FSHR: variants seen among roughly 807,000 people sequenced by gnomAD.
FSHR encodes follicle stimulating hormone receptor, also known as follicle-stimulating hormone receptor.
FSHR carries 46 observed loss-of-function variants against 52.1 expected under a neutral mutation model. That is an observed-to-expected ratio of 0.88 (90% CI 0.70 to 1.13). The LOEUF (loss-of-function observed/expected upper bound fraction) is 1.13, where lower values mean the gene tolerates loss of function less well. Ranked by LOEUF, FSHR falls within the 50% of genes most tolerant of loss-of-function variation. FSHR has a pLI of 0.00. For missense variants in FSHR, 964 were observed against 834.6 expected (o/e 1.16, Z -1.91); for synonymous variants, 399 against 309.6 (o/e 1.29, Z -3.03).
intron 1 of FSHR, among the ~76,000 whole-genome samples, chr2:49,123,222 C>A (rs952367915): frequency 6.6e-6 from 1 of 152,156 alleles, no homozygotes; most frequent in South Asian, 2.1e-4. Flanking sequence ...TGTTTTCAGC[C>A]AGGCGCGGTG....
At chr2:49,063,808 T>C (rs1289054923) in intron 2 of FSHR, among the ~76,000 whole-genome samples, 4 of 152,134 alleles carry the variant, frequency 2.6e-5, no homozygotes, top group Admixed American at 6.6e-5. Flanking sequence ...TTTTCAAATA[T>C]GTAGAAGAGC....
chr2:49,098,825 T>C (rs992606286), intron 1 of FSHR, among the ~76,000 whole-genome samples: 1 of 146,488 alleles, frequency 6.8e-6, no homozygotes, highest in African/African-American at 2.5e-5. Flanking sequence ...TATATATTAT[T>C]ATATATTATA....
In FSHR at chr2:48,963,047, CAAAG is replaced by C; in HGVS notation, c.1770_1773del (p.Phe590LeufsTer51). 1 of 1,613,934 alleles carries C rather than the reference CAAAG, an allele frequency of 6.2e-7. No homozygotes were observed. The highest frequency in any genetic ancestry group is 8.5e-7 in the Non-Finnish European group (1 of 1,179,956). On this transcript the variant is annotated frameshift_variant, in exon 10 of 10. Transcript: ENST00000406846. LOFTEE classifies it high-confidence loss of function. ...GGCACCTTGAGGGAGGCAGAAATGG[CAAAG>C]AAAGAAATGGGTGCCATGCAGAGGA...
intron 4 of FSHR, chr2:49,015,063 A>C: frequency 3.3e-6 from 1 of 303,160 alleles, no homozygotes; most frequent in Admixed American, 5.0e-5. Flanking sequence ...ATATAAAAAC[A>C]ATTTGCAAAG....
At chr2:49,152,556 CT>C (rs1673101772) in intron 1 of FSHR, among the ~76,000 whole-genome samples, 2 of 151,514 alleles carry the variant, frequency 1.3e-5, no homozygotes, top group Admixed American at 1.3e-4. Flanking sequence ...CCTATGTTTT[CT>C]CTGCAGAATG....
intron 4 of FSHR, among the ~76,000 whole-genome samples, chr2:49,000,763 C>A (rs77770165): frequency 1.3e-5 from 2 of 152,026 alleles, no homozygotes; most frequent in East Asian, 3.9e-4. Context: ...TTAGAAAGAC[C>A]ATGTGGAAAG....
At chr2:49,002,765 C>T (rs1666948936) in intron 4 of FSHR, among the ~76,000 whole-genome samples, 1 of 152,078 alleles carries the variant, frequency 6.6e-6, no homozygotes, top group African/African-American at 2.4e-5. Context: ...CAGACCATAT[C>T]ACCCCGGGAG....
intron 1 of FSHR, among the ~76,000 whole-genome samples, chr2:49,131,858 T>C (rs1369048504): frequency 6.6e-6 from 1 of 152,192 alleles, no homozygotes; most frequent in Non-Finnish European, 1.5e-5. Flanking sequence ...AAATCCTTTT[T>C]TATACCCAGC....
intron 1 of FSHR, among the ~76,000 whole-genome samples, chr2:49,127,856 C>A (rs1558456861): frequency 5.8e-5 from 2 of 34,510 alleles, no homozygotes; most frequent in African/African-American, 2.8e-4. Context: ...TCTTCTTCTT[C>A]TTCTTCTTCT....
chr2:49,055,531 CAAAAAAAAAAAAAAAA>C (rs75665223), intron 2 of FSHR, among the ~76,000 whole-genome samples: 2 of 51,132 alleles, frequency 3.9e-5, no homozygotes, highest in South Asian at 7.7e-4. Context: ...CCAGGAAGCT[CAAAAAAAAAAAAAAAA>C]AAAAAAAAAA....
At chr2:49,079,532 C>G (rs143487725) in intron 1 of FSHR, among the ~76,000 whole-genome samples, 1 of 151,756 alleles carries the variant, frequency 6.6e-6, no homozygotes, top group East Asian at 1.9e-4. Flanking sequence ...ATTATGATAT[C>G]GACAGGGATT....
At chr2:49,009,281 G>A (rs1667183238) in intron 4 of FSHR, among the ~76,000 whole-genome samples, 1 of 150,774 alleles carries the variant, frequency 6.6e-6, no homozygotes, top group African/African-American at 2.4e-5. Flanking sequence ...TATTAAATAG[G>A]GAATCCTTTC....
intron 2 of FSHR, among the ~76,000 whole-genome samples, chr2:49,040,423 T>G (rs897358846): frequency 1.3e-5 from 2 of 148,828 alleles, no homozygotes; most frequent in Admixed American, 1.3e-4. Context: ...AGTTACTCAA[T>G]TTTTTAAAAA....
intron 4 of FSHR, among the ~76,000 whole-genome samples, chr2:49,006,472 C>G (rs1342569451): frequency 6.6e-6 from 1 of 152,124 alleles, no homozygotes; most frequent in Non-Finnish European, 1.5e-5. Context: ...TTAGTTGGGA[C>G]TCAGTTTCTT....
At position 49,132,255 on chromosome 2, in the gene FSHR, G is replaced by A. The variant is rs906534577; in HGVS notation, c.152+22011C>T. ...TGATATAACTTTTGGCTTGTTTTCC[G>A]TTTGGCACAACTGCATGCACTCTGT... is the stretch of plus-strand genomic sequence containing the variant. On this transcript the variant is annotated intron_variant, in intron 1 of 9. Coordinates refer to ENST00000406846, the MANE Select transcript of FSHR (RefSeq NM_000145.4). Among the ~76,000 whole-genome samples, 9 of 152,236 alleles carry A rather than the reference G, an allele frequency of 5.9e-5. No individual in the cohort carries two copies. In the East Asian group the frequency reaches 7.7e-4, roughly 13 times the overall value.
At chr2:49,044,430 C>G (rs1410870582) in intron 2 of FSHR, among the ~76,000 whole-genome samples, 1 of 152,156 alleles carries the variant, frequency 6.6e-6, no homozygotes, top group Admixed American at 6.6e-5. Flanking sequence ...GTAATGAACT[C>G]TTATTGCTGC....
At chr2:49,047,320 A>G (rs767720939) in intron 2 of FSHR, among the ~76,000 whole-genome samples, 3 of 152,230 alleles carry the variant, frequency 2.0e-5, no homozygotes, top group Non-Finnish European at 4.4e-5. Context: ...GTACATTTTA[A>G]ACAAATATGT....
Position 49,023,007 on chromosome 2 carries a change from G to A in FSHR, c.225-2847C>T, listed in dbSNP as rs77432855. ...CCAGGTGCTGGTCATACTTTGTACT[G>A]CAAGGTTCTTTAGGGAAATAGTAAT... On this transcript the variant is annotated intron_variant, in intron 2 of 9. Coordinates refer to ENST00000406846, the MANE Select transcript of FSHR (RefSeq NM_000145.4). 4.8e-3 allele frequency among the ~76,000 whole-genome samples: 727 copies of A among 152,270 alleles called. 3 individuals carry two copies. The highest frequency in any genetic ancestry group is 0.016 in the African/African-American group (663 of 41,562).
At chr2:48,964,237 A>C (rs2103994798) in intron 9 of FSHR, among the ~76,000 whole-genome samples, 1 of 152,266 alleles carries the variant, frequency 6.6e-6, no homozygotes, top group Non-Finnish European at 1.5e-5. Context: ...GGCACCTGAG[A>C]CTAAGCCTTG....
Sources: allele counts gnomAD v4.1 joint callset (sites outside exome capture counted in the v4.1 genomes callset), GRCh38; gene constraint gnomAD v4.1.1; transcripts MANE v1.5; gene names NCBI Gene and HGNC (gene_info 2026-07-23, HGNC 2026-07-21).